JMY: variants seen among roughly 807,000 people sequenced by gnomAD.
JMY encodes junction mediating and regulatory protein, p53 cofactor.
In JMY, 46 loss-of-function variants were observed where a neutral mutation model predicts 103.3. The ratio of observed to expected loss-of-function variants is 0.45; its 90% confidence interval spans 0.35 to 0.57. The LOEUF (loss-of-function observed/expected upper bound fraction) is 0.57, where lower values mean the gene tolerates loss of function less well. Among genes scored for constraint, JMY ranks in the 20% least tolerant of loss-of-function variants. The probability of loss-of-function intolerance (pLI) is 0.00; values close to 1 mark genes in which losing one functional copy is unlikely to be tolerated. For synonymous variants in JMY, 526 were observed against 489.3 expected, an observed-to-expected ratio of 1.07 and a Z score of -0.99; for missense variants, 1,238 against 1,255.2, an observed-to-expected ratio of 0.99 and a Z score of 0.21.
Position 79,323,052 on chromosome 5 carries a change from ATG to A in JMY, c.*1452_*1453del, listed in dbSNP as rs1232482588. On this transcript the variant is annotated 3_prime_UTR_variant, in exon 11 of 11. Coordinates refer to ENST00000396137, the MANE Select transcript of JMY (RefSeq NM_152405.5). Reference sequence around the variant, plus strand: ...GGAGAAAATTTTCTGGCAACAGGTTATGTAAGACAACAACTTTTTTTATTATT... The same window carrying A: ...GGAGAAAATTTTCTGGCAACAGGTTATAAGACAACAACTTTTTTTATTATT... 1 of 151,862 alleles carries A rather than the reference ATG, an allele frequency of 6.6e-6. No homozygotes were observed. Among genetic ancestry groups the A allele is most frequent in the Non-Finnish European group, 1.5e-5 (1 of 67,978 alleles). 9.4% of individuals were successfully genotyped at this position (151,862 alleles called of 1,614,324 possible).
chr5:79,291,370 A>G, intron 4 of JMY, 71 bp downstream of exon 4: 1 of 1,346,356 alleles, frequency 7.4e-7, no homozygotes, highest in Admixed American at 2.5e-5. Flanking sequence ...TGCACAAGAC[A>G]TTTTTTTGAT....
intron 1 of JMY, among the ~76,000 whole-genome samples, chr5:79,258,297 C>CTTT (rs1225930409): frequency 7.2e-5 from 10 of 139,430 alleles, no homozygotes; most frequent in African/African-American, 2.4e-4. Context: ...GATATTAGGG[C>CTTT]TTTTTTTGTT....
chr5:79,260,771 T>G (rs551547799), intron 1 of JMY, among the ~76,000 whole-genome samples: 1 of 151,942 alleles, frequency 6.6e-6, no homozygotes, highest in Admixed American at 6.6e-5. Context: ...AAGTAATAAT[T>G]AGCAGGAATA....
At chr5:79,319,817 T>C (rs1285120499) in intron 10 of JMY, among the ~76,000 whole-genome samples, 1 of 152,142 alleles carries the variant, frequency 6.6e-6, no homozygotes, top group African/African-American at 2.4e-5. Context: ...TGATCTCAGG[T>C]GATCCACCTG....
intron 1 of JMY, among the ~76,000 whole-genome samples, chr5:79,276,929 G>T (rs1236918270): frequency 5.9e-5 from 9 of 152,034 alleles, no homozygotes; most frequent in Non-Finnish European, 2.9e-5. Context: ...TACATACAAG[G>T]TCTCACTACA....
In JMY at chr5:79,237,274, C is replaced by T. The variant is rs1265146521; in HGVS notation, c.624C>T (p.Leu208=). 1.9e-6 allele frequency: 3 copies of T among 1,552,678 alleles called. No individual in the cohort carries two copies. Among genetic ancestry groups the T allele is most frequent in the Non-Finnish European group, 8.7e-7 (1 of 1,148,006 alleles). The change falls in exon 1 of 11, where the codon CTC becomes CTT. Residue 208 remains leucine, a synonymous_variant. Coordinates refer to ENST00000396137, the MANE Select transcript of JMY (RefSeq NM_152405.5). ...AGGAGGACGAGGCACCTCTGGCGCT[C>T]TCGGACGCGGAGCAGCCGCCGCCCG... The part of the protein sequence containing the change: ...MVKEDEAPLA[L]SDAEQPPPAT...
rs1747453643 is a variant in JMY, at chr5:79,321,611, A to G, written c.*9A>G. 1.3e-5 allele frequency: 2 copies of G among 152,136 alleles called. No individual in the cohort carries two copies. Among genetic ancestry groups the G allele is most frequent in the African/African-American group, 4.8e-5 (2 of 41,428 alleles). 9.4% of individuals were successfully genotyped at this position (152,136 alleles called of 1,614,324 possible). On this transcript the variant is annotated 3_prime_UTR_variant, in exon 11 of 11. Coordinates refer to ENST00000396137, the MANE Select transcript of JMY (RefSeq NM_152405.5). ...ATTATTTTGTTTGTAAACAGGTGAC[A>G]TAACAGAAGAAAAATATCATTCAAG...
intron 2 of JMY, among the ~76,000 whole-genome samples, chr5:79,286,420 C>T (rs1746268583): frequency 6.6e-6 from 1 of 152,140 alleles, no homozygotes. Flanking sequence ...GTGGGCAAAT[C>T]ACCTGAGGTC....
At chr5:79,293,082 G>C (rs1746469011) in intron 4 of JMY, among the ~76,000 whole-genome samples, 1 of 152,086 alleles carries the variant, frequency 6.6e-6, no homozygotes, top group Admixed American at 6.6e-5. Flanking sequence ...TAGAGGTTTT[G>C]CAAAACAGTA....
At chr5:79,264,747 A>G (rs753966028) in intron 1 of JMY, among the ~76,000 whole-genome samples, 1 of 152,164 alleles carries the variant, frequency 6.6e-6, no homozygotes, top group Non-Finnish European at 1.5e-5. Context: ...TGATTCAGTA[A>G]TAACAGTGTT....
Position 79,237,144 on chromosome 5 carries a change from C to T in JMY, c.494C>T (p.Ala165Val), listed in dbSNP as rs1057442333. ...GCCGACGATGCGGCGGGGGCAGCCG[C>T]TGCAGCAGCCCGGCCGGCGCCCAGA... ...SEADDAAGAA[A>V]AAARPAPREA... Residue 165 changes from alanine (A) to valine (V), a missense_variant, in exon 1 of 11, where the codon GCT becomes GTT. Transcript: ENST00000396137. 1.3e-6 allele frequency: 2 copies of T among 1,547,904 alleles called. No individual in the cohort carries two copies. Among genetic ancestry groups the T allele is most frequent in the Non-Finnish European group, 1.7e-6 (2 of 1,145,696 alleles).
intron 2 of JMY, among the ~76,000 whole-genome samples, chr5:79,286,685 G>A (rs1446524003): frequency 6.6e-6 from 1 of 151,092 alleles, no homozygotes; most frequent in Non-Finnish European, 1.5e-5. Flanking sequence ...CTTTTCTTTC[G>A]ATAAATGGTA....
intron 1 of JMY, among the ~76,000 whole-genome samples, chr5:79,242,818 CTGT>C (rs1201378112): frequency 1.3e-5 from 2 of 148,770 alleles, no homozygotes; most frequent in African/African-American, 5.0e-5. Context: ...GTGTCTCACT[CTGT>C]TGCCCAGGCT....
intron 1 of JMY, among the ~76,000 whole-genome samples, chr5:79,239,082 A>G (rs1335423782): frequency 6.6e-6 from 1 of 152,066 alleles, no homozygotes; most frequent in Non-Finnish European, 1.5e-5. Context: ...TTTTTTTCGT[A>G]GAATATTAGA....
chr5:79,240,492 A>G (rs1744704395), intron 1 of JMY, among the ~76,000 whole-genome samples: 1 of 151,956 alleles, frequency 6.6e-6, no homozygotes, highest in Non-Finnish European at 1.5e-5. Flanking sequence ...GTATTTTTGT[A>G]GTGACAGGGT....
At chr5:79,276,238 C>A (rs980368435) in intron 1 of JMY, among the ~76,000 whole-genome samples, 2 of 152,146 alleles carry the variant, frequency 1.3e-5, no homozygotes, top group African/African-American at 4.8e-5. Context: ...CCTGCCTCAG[C>A]CTCCCAAGGA....
chr5:79,251,644 A>C (rs1319115917), intron 1 of JMY, among the ~76,000 whole-genome samples: 1 of 148,664 alleles, frequency 6.7e-6, no homozygotes, highest in African/African-American at 2.5e-5. Context: ...TTTTTTACCC[A>C]TTAGCCGCCC....
chr5:79,238,309 G>A (rs1320904529), intron 1 of JMY, among the ~76,000 whole-genome samples: 1 of 151,916 alleles, frequency 6.6e-6, no homozygotes, highest in Non-Finnish European at 1.5e-5. Flanking sequence ...TGCTGTTTTA[G>A]GTAGAAATAA....
At chr5:79,295,373 G>A (rs1746537371) in intron 4 of JMY, among the ~76,000 whole-genome samples, 1 of 152,096 alleles carries the variant, frequency 6.6e-6, no homozygotes, top group Non-Finnish European at 1.5e-5. Context: ...AACTCTTTAG[G>A]AAAGCTTCAG....
Sources: allele counts gnomAD v4.1 joint callset (sites outside exome capture counted in the v4.1 genomes callset), GRCh38; gene constraint gnomAD v4.1.1; transcripts MANE v1.5; gene names NCBI Gene and HGNC (gene_info 2026-07-23, HGNC 2026-07-21).